MSRB3: variants seen among roughly 807,000 people sequenced by gnomAD.
MSRB3 encodes the protein methionine-R-sulfoxide reductase B3.
In MSRB3, 13 loss-of-function variants were observed where a neutral mutation model predicts 21.0. The ratio of observed to expected loss-of-function variants is 0.62; its 90% confidence interval spans 0.40 to 0.98. The LOEUF is 0.98. MSRB3 is among the 50% of genes least tolerant of loss of function. The probability of loss-of-function intolerance (pLI) is 0.00; values close to 1 mark genes in which losing one functional copy is unlikely to be tolerated. For synonymous variants in MSRB3, 87 were observed against 88.6 expected, an observed-to-expected ratio of 0.98 and a Z score of 0.10; for missense variants, 199 against 230.3, an observed-to-expected ratio of 0.86 and a Z score of 0.88.
chr12:65,382,426 T>C (rs1194464804), intron 5 of MSRB3, among the ~76,000 whole-genome samples: 2 of 152,072 alleles, frequency 1.3e-5, no homozygotes, highest in Non-Finnish European at 2.9e-5. Context: ...TGTTATATAG[T>C]AATAGTAAAA....
chr12:65,445,864 C>T lies in MSRB3; in HGVS notation c.293-7864C>T, dbSNP rs140363801. Among the ~76,000 whole-genome samples the T allele has an allele frequency of 2.1e-3, 319 of 152,078 alleles. 2 individuals are homozygous for T. Among genetic ancestry groups the T allele is most frequent in the African/African-American group, 7.1e-3 (293 of 41,486 alleles). ...TTCACCATGTTGCCCAGGCTGGTCT[C>T]GAACTCCTGACCTTAGGTGATCCAC... On this transcript the variant is annotated intron_variant, in intron 5 of 6. Coordinates refer to ENST00000308259, the MANE Select transcript of MSRB3 (RefSeq NM_001031679.3).
At chr12:65,294,899 G>A (rs567735397) in intron 1 of MSRB3, among the ~76,000 whole-genome samples, 1 of 152,224 alleles carries the variant, frequency 6.6e-6, no homozygotes, top group South Asian at 2.1e-4. Flanking sequence ...ACGGCTCCCT[G>A]TGGCCTCGAA....
intron 4 of MSRB3, among the ~76,000 whole-genome samples, chr12:65,352,689 A>G (rs1295041228): frequency 6.6e-6 from 1 of 151,912 alleles, no homozygotes; most frequent in Non-Finnish European, 1.5e-5. Flanking sequence ...CAGAGAGCCA[A>G]ATTATGAGTG....
intron 4 of MSRB3, among the ~76,000 whole-genome samples, chr12:65,356,117 G>A (rs961481248): frequency 1.1e-4 from 17 of 151,688 alleles, no homozygotes; most frequent in Admixed American, 1.1e-3. Context: ...GTTTTGCTTG[G>A]GGGCTTACTA....
chr12:65,418,876 T>A, intron 5 of MSRB3: 1 of 748,364 alleles, frequency 1.3e-6, no homozygotes, highest in East Asian at 2.5e-5. Flanking sequence ...CAGGCAGTGA[T>A]ACATGGCAAT....
chr12:65,281,309 C>A (rs187791799), intron 1 of MSRB3, among the ~76,000 whole-genome samples: 196 of 152,214 alleles, frequency 1.3e-3, no homozygotes, highest in African/African-American at 4.5e-3. Flanking sequence ...TTTAGCTTCT[C>A]GGTAAAATTA....
rs576730533 is a variant in MSRB3 at position 65,308,677 on chromosome 12, C to A, written c.76+22C>A. 25 of 1,613,760 alleles carry A rather than the reference C, an allele frequency of 1.5e-5. No individual in the cohort carries two copies. The South Asian group carries it at 2.5e-4, about 16-fold the overall frequency. On this transcript the variant is annotated intron_variant, in intron 2 of 6. Coordinates refer to ENST00000308259, the MANE Select transcript of MSRB3 (RefSeq NM_001031679.3). ...TCAGGTTGCTGCTTGTTGTACTGTA[C>A]ATAGTGAAGGCACAGGGCCAACTGG...
At chr12:65,406,733 A>G (rs909206360) in intron 5 of MSRB3, among the ~76,000 whole-genome samples, 2 of 152,180 alleles carry the variant, frequency 1.3e-5, no homozygotes, top group Non-Finnish European at 2.9e-5. Flanking sequence ...GTCCTCCCCA[A>G]TATTTATGTT....
intron 4 of MSRB3, among the ~76,000 whole-genome samples, chr12:65,348,138 T>A (rs1026351531): frequency 4.6e-5 from 7 of 152,220 alleles, no homozygotes; most frequent in Non-Finnish European, 1.0e-4. Flanking sequence ...TTCTGTTGAT[T>A]GGAATAGTTT....
In MSRB3 at chr12:65,465,569, G is replaced by A. The variant is rs1035900613; in HGVS notation, c.*2247G>A. On this transcript the variant is annotated 3_prime_UTR_variant, in exon 7 of 7. Coordinates refer to ENST00000308259, the MANE Select transcript of MSRB3 (RefSeq NM_001031679.3). The stretch of plus-strand genomic sequence containing the variant: ...CTCTCTACAAGCACCTCTCTAAGAA[G>A]CCTGACATCCCGGTGGACTCTTTAT... The A allele has an allele frequency of 3.9e-5, 6 of 152,076 alleles. No homozygotes were observed. Among genetic ancestry groups the A allele is most frequent in the African/African-American group, 1.4e-4 (6 of 41,398 alleles). The allele number at this position is 152,076 out of a possible 1,614,324, so 9.4% of individuals were successfully genotyped here. A position where few individuals can be genotyped will look rare whatever the true frequency, so the allele number is the denominator to read the frequency against.
At chr12:65,312,176 A>G (rs1385316158) in intron 2 of MSRB3, among the ~76,000 whole-genome samples, 1 of 152,094 alleles carries the variant, frequency 6.6e-6, no homozygotes, top group Non-Finnish European at 1.5e-5. Context: ...TTAAAATTAG[A>G]TAGTATATTT....
rs904146752 is a variant in MSRB3 at position 65,463,418 on chromosome 12, A to G, written c.*96A>G. 9 of 1,422,716 alleles carry G rather than the reference A, an allele frequency of 6.3e-6. No homozygotes were observed. Among genetic ancestry groups the G allele is most frequent in the African/African-American group, 5.7e-5 (4 of 69,912 alleles). 88.1% of individuals were successfully genotyped at this position (1,422,716 alleles called of 1,614,324 possible). On this transcript the variant is annotated 3_prime_UTR_variant, in exon 7 of 7. Transcript: ENST00000308259. Reference sequence around the variant, plus strand: ...TAATAGATATATTTTTTCAAAAACTATAAGGGCAGTTTTGTGCTATTGATA... The same window carrying G: ...TAATAGATATATTTTTTCAAAAACTGTAAGGGCAGTTTTGTGCTATTGATA...
intron 4 of MSRB3, among the ~76,000 whole-genome samples, chr12:65,342,662 A>G (rs930877094): frequency 6.6e-6 from 1 of 152,040 alleles, no homozygotes; most frequent in Admixed American, 6.6e-5. Context: ...GCATAAAGAT[A>G]TAGCTACAAG....
intron 5 of MSRB3, among the ~76,000 whole-genome samples, chr12:65,429,146 C>A (rs1881758223): frequency 6.6e-6 from 1 of 151,978 alleles, no homozygotes; most frequent in Non-Finnish European, 1.5e-5. Flanking sequence ...AGTTACTAAA[C>A]AAGGAAACAA....
chr12:65,386,410 A>T (rs1879198235), intron 5 of MSRB3, among the ~76,000 whole-genome samples: 1 of 151,940 alleles, frequency 6.6e-6, no homozygotes, highest in Non-Finnish European at 1.5e-5. Flanking sequence ...GCTTCCATTA[A>T]GGGTGGACTC....
intron 5 of MSRB3, among the ~76,000 whole-genome samples, chr12:65,369,827 A>G (rs1878220084): frequency 6.6e-6 from 1 of 152,330 alleles, no homozygotes; most frequent in East Asian, 1.9e-4. Flanking sequence ...ACAGAAAAAT[A>G]TATAACTTGT....
chr12:65,333,962 A>G (rs925292092), intron 4 of MSRB3, among the ~76,000 whole-genome samples: 1 of 152,254 alleles, frequency 6.6e-6, no homozygotes, highest in Non-Finnish European at 1.5e-5. Flanking sequence ...GATGTAAGCC[A>G]TAACAGTGCA....
intron 5 of MSRB3, among the ~76,000 whole-genome samples, chr12:65,381,267 G>T (rs970132336): frequency 3.3e-5 from 5 of 152,156 alleles, no homozygotes; most frequent in Non-Finnish European, 2.9e-5. Flanking sequence ...GGTTTTGACA[G>T]GAGGTGAAAG....
rs1455385629 is a variant in MSRB3, at chr12:65,465,438, AAAAG to A, written c.*2122_*2125del. 6.6e-6 allele frequency: 1 copy of A among 152,244 alleles called. No individual in the cohort carries two copies. Among genetic ancestry groups the A allele is most frequent in the Admixed American group, 6.5e-5 (1 of 15,288 alleles). The allele number at this position is 152,244 out of a possible 1,614,324, so 9.4% of individuals were successfully genotyped here. A position where few individuals can be genotyped will look rare whatever the true frequency, so the allele number is the denominator to read the frequency against. ...TTTCCTTGTAAGCACTAAGAGAAAA[AAAAG>A]AAAGAGGGACATTTGACAATTTTAA... is the stretch of plus-strand genomic sequence containing the variant. On this transcript the variant is annotated 3_prime_UTR_variant, in exon 7 of 7. Coordinates refer to ENST00000308259, the MANE Select transcript of MSRB3 (RefSeq NM_001031679.3).
Sources: allele counts gnomAD v4.1 joint callset (sites outside exome capture counted in the v4.1 genomes callset), GRCh38; gene constraint gnomAD v4.1.1; transcripts MANE v1.5; gene names NCBI Gene and HGNC (gene_info 2026-07-23, HGNC 2026-07-21).